The following RPH3AL variants were observed in gnomAD, a reference collection of about 807,000 sequenced individuals.
RPH3AL encodes rab effector Noc2.
RPH3AL carries 38 observed loss-of-function variants against 43.1 expected under a neutral mutation model. That is an observed-to-expected ratio of 0.88 (90% confidence interval 0.68 to 1.15). RPH3AL has a LOEUF of 1.15. RPH3AL is among the 50% of genes most tolerant of loss of function. The pLI, the probability that RPH3AL is intolerant of heterozygous loss-of-function variation, is 0.00. For synonymous variants in RPH3AL, 189 were observed against 176.3 expected, an observed-to-expected ratio of 1.07 and a Z score of -0.57; for missense variants, 462 against 423.2, an observed-to-expected ratio of 1.09 and a Z score of -0.81.
Position 215,624 on chromosome 17 carries a change from G to A in RPH3AL, c.876+30C>T, listed in dbSNP as rs2040778398. 4.0e-6 allele frequency: 5 copies of A among 1,260,986 alleles called. No individual in the cohort carries two copies. Among genetic ancestry groups the A allele is most frequent in the Non-Finnish European group, 5.0e-6 (5 of 998,008 alleles). 78.1% of individuals were successfully genotyped at this position (1,260,986 alleles called of 1,614,324 possible). A position where few individuals can be genotyped will look rare whatever the true frequency, so the allele number is the denominator to read the frequency against. On this transcript the variant is annotated intron_variant, in intron 9 of 9. Transcript: ENST00000331302. This position sits in a 1 kb window ranked among gnomAD's most constrained non-coding sequence, Gnocchi z 4.1. ...AGAGGACACGGCCGCGGGGGCAGGA[G>A]AGGGGAGAAGGCAGCAGTTGGGTAC...
intron 3 of RPH3AL, among the ~76,000 whole-genome samples, chr17:326,549 C>A (rs964849090): frequency 6.6e-6 from 1 of 152,100 alleles, no homozygotes; most frequent in African/African-American, 2.4e-5. Flanking sequence ...GATGGCCTGA[C>A]CTACCCAGAG....
intron 6 of RPH3AL, among the ~76,000 whole-genome samples, chr17:275,948 C>T (rs536930722): frequency 5.3e-5 from 8 of 152,214 alleles, no homozygotes; most frequent in African/African-American, 1.7e-4. Context: ...CAGTCCACAG[C>T]GGGAATGGAA....
At chr17:329,920 A>T (rs2044710332) in intron 2 of RPH3AL, among the ~76,000 whole-genome samples, 1 of 152,242 alleles carries the variant, frequency 6.6e-6, no homozygotes, top group African/African-American at 2.4e-5. Flanking sequence ...TAATTTCTTA[A>T]AGATTAGTTC....
intron 5 of RPH3AL, among the ~76,000 whole-genome samples, chr17:298,014 G>A (rs773104163): frequency 2.6e-5 from 4 of 151,930 alleles, no homozygotes; most frequent in Non-Finnish European, 5.9e-5. Context: ...AGCCCACCAC[G>A]CCAGCCCCAC....
intron 6 of RPH3AL, among the ~76,000 whole-genome samples, chr17:267,104 C>T (rs2042343142): frequency 6.6e-6 from 1 of 152,238 alleles, no homozygotes; most frequent in Non-Finnish European, 1.5e-5. Context: ...GAACAGGGGC[C>T]CCTGTCTTCC....
chr17:317,199 C>G (rs79530110), intron 5 of RPH3AL, among the ~76,000 whole-genome samples: 1 of 97,206 alleles, frequency 1.0e-5, no homozygotes, highest in African/African-American at 3.1e-5. Flanking sequence ...ACCTGTAGTC[C>G]CTGTACTCCA....
In RPH3AL at chr17:219,746, ACAGACCAC is replaced by A; in HGVS notation, c.614-18_614-11del. The A allele has an allele frequency of 6.2e-7, 1 of 1,604,352 alleles. No individual in the cohort carries two copies. Among genetic ancestry groups the A allele is most frequent in the Non-Finnish European group, 8.5e-7 (1 of 1,171,536 alleles). On this transcript the variant is annotated splice_polypyrimidine_tract_variant and intron_variant, in intron 7 of 9. Transcript: ENST00000331302. ...CTGTCACTGGAAACCACTGGAAGAG[ACAGACCAC>A]AGCACAGGAGGTCACCCGACCAGCC...
At position 344,415 on chromosome 17, in the gene RPH3AL, ACAT is replaced by A. The variant is rs758467152; in HGVS notation, c.-213+8294_-213+8296del. Among the ~76,000 whole-genome samples the A allele has an allele frequency of 1.9e-4, 24 of 127,148 alleles. 5 individuals carry two copies. The highest frequency in any genetic ancestry group is 4.1e-4 in the Non-Finnish European group (23 of 56,380). The allele number at this position is 127,148 out of a possible 152,430, so 83.4% of individuals were successfully genotyped here. On this transcript the variant is annotated intron_variant, in intron 1 of 9. Transcript: ENST00000331302. ...TCAGACATCATCACCATCATCACCC[ACAT>A]CATCATCACCATCACCACCATCAGA...
At chr17:295,127 A>C (rs1474744769) in intron 5 of RPH3AL, among the ~76,000 whole-genome samples, 3 of 138,710 alleles carry the variant, frequency 2.2e-5, no homozygotes, top group Non-Finnish European at 4.7e-5. Flanking sequence ...AATGCACATC[A>C]GTGTGGGAGG....
intron 6 of RPH3AL, among the ~76,000 whole-genome samples, chr17:263,915 T>C (rs1449140872): frequency 1.3e-5 from 2 of 152,040 alleles, no homozygotes; most frequent in African/African-American, 4.8e-5. Context: ...CTCGACGGGT[T>C]TTCAAGGGGG....
At position 333,031 on chromosome 17, in the gene RPH3AL, C is replaced by G. The variant is rs953318728; in HGVS notation, c.-37+728G>C. ...CCCCAGGCAACTTCCTGAGACAGAT[C>G]GGTAAAAACAACCCCTTCTTCCAGG... On this transcript the variant is annotated intron_variant, in intron 2 of 9. Transcript: ENST00000331302. This position sits in a 1 kb window ranked among gnomAD's most constrained non-coding sequence, Gnocchi z 4.5. The G allele has an allele frequency of 7.8e-6, 10 of 1,288,976 alleles. No individual in the cohort carries two copies. The African/African-American group carries it at 1.1e-4, about 14-fold the overall frequency. The allele number at this position is 1,288,976 out of a possible 1,614,324, so 79.8% of individuals were successfully genotyped here.
At chr17:350,672 C>A (rs1278173264) in intron 1 of RPH3AL, among the ~76,000 whole-genome samples, 2 of 152,252 alleles carry the variant, frequency 1.3e-5, no homozygotes, top group South Asian at 4.1e-4. Context: ...CAAAACAAAA[C>A]AAAACAAACC....
intron 7 of RPH3AL, among the ~76,000 whole-genome samples, chr17:232,402 G>A (rs186500630): frequency 1.6e-4 from 25 of 152,268 alleles, no homozygotes; most frequent in African/African-American, 3.9e-4. Context: ...TGTTTTTATC[G>A]GACTCCTCAG....
At position 253,740 on chromosome 17, in the gene RPH3AL, A is replaced by AATATGACTACCCT. The variant is rs2041984903; in HGVS notation, c.439-6456_439-6455insAGGGTAGTCATAT. On this transcript the variant is annotated intron_variant, in intron 6 of 9. Transcript: ENST00000331302. Reference sequence around the variant, plus strand: ...GCGTCTGTCCTTTTCCATCCCTAGGAACGTGACTACCCTACGTACTTCCTA... The same window carrying AATATGACTACCCT: ...GCGTCTGTCCTTTTCCATCCCTAGGAATATGACTACCCTACGTGACTACCCTACGTACTTCCTA... 1.4e-5 allele frequency among the ~76,000 whole-genome samples: 2 copies of AATATGACTACCCT among 144,068 alleles called. 1 individual carries two copies. The allele number at this position is 144,068 out of a possible 152,430, so 94.5% of individuals were successfully genotyped here. A position where few individuals can be genotyped will look rare whatever the true frequency, so the allele number is the denominator to read the frequency against.
At position 306,225 on chromosome 17, in the gene RPH3AL, C is replaced by G. The variant is rs961249799; in HGVS notation, c.351+13195G>C. ...TGGACTACCTGGAACACATACCCAG[C>G]CCCCCTGGAACCCCAGCTCCACCGC... On this transcript the variant is annotated intron_variant, in intron 5 of 9. Coordinates refer to ENST00000331302, the MANE Select transcript of RPH3AL (RefSeq NM_006987.4). Among the ~76,000 whole-genome samples, 21 of 146,604 alleles carry G rather than the reference C, an allele frequency of 1.4e-4. No homozygotes were observed. In the East Asian group the frequency reaches 3.7e-3, roughly 26 times the overall value.
intron 2 of RPH3AL, chr17:332,632 G>A (rs1167503776): frequency 9.4e-6 from 2 of 213,348 alleles, no homozygotes; most frequent in East Asian, 2.0e-4. Flanking sequence ...CATGCTCAGA[G>A]CAGACAGCTG....
At chr17:342,797 G>A (rs1054741699) in intron 1 of RPH3AL, among the ~76,000 whole-genome samples, 4 of 152,082 alleles carry the variant, frequency 2.6e-5, no homozygotes, top group Non-Finnish European at 5.9e-5. Context: ...CATTACTCTG[G>A]TGAATGAAGA....
Position 222,095 on chromosome 17 carries a change from C to T in RPH3AL, c.614-2359G>A, listed in dbSNP as rs72477015. ...GAACAACAGCTCTGAGGCCTCCACT[C>T]GCTGAGACAAGGCCCAAGGCAATGC... On this transcript the variant is annotated intron_variant, in intron 7 of 9. Coordinates refer to ENST00000331302, the MANE Select transcript of RPH3AL (RefSeq NM_006987.4). Among the ~76,000 whole-genome samples, 47 of 152,394 alleles carry T rather than the reference C, an allele frequency of 3.1e-4. No individual in the cohort carries two copies. In the East Asian group the frequency reaches 6.5e-3, roughly 21 times the overall value.
At chr17:251,464 G>A (rs1164106983) in intron 6 of RPH3AL, among the ~76,000 whole-genome samples, 5 of 152,208 alleles carry the variant, frequency 3.3e-5, no homozygotes, top group African/African-American at 7.2e-5. Context: ...ACACCCCTCT[G>A]TTGGCCTCTA....
Sources: gnomAD v4.1 joint callset for allele counts (sites outside exome capture counted in the v4.1 genomes callset) on GRCh38, gnomAD v4.1.1 for gene constraint, Gnocchi (gnomAD v3.1) non-coding constraint, MANE v1.5 for transcripts, NCBI Gene and HGNC (gene_info 2026-07-23, HGNC 2026-07-21) for gene names.